Variants in PLCB4 observed in about 807,000 individuals in gnomAD.
PLCB4 encodes 1-phosphatidylinositol 4,5-bisphosphate phosphodiesterase beta-4.
Under a neutral mutation model 178.8 loss-of-function variants are expected in PLCB4, and 77 were observed. The observed-to-expected ratio is 0.43, with a 90% CI of 0.36 to 0.52. The LOEUF (loss-of-function observed/expected upper bound fraction) is 0.52. PLCB4 is among the 20% of genes least tolerant of loss of function. PLCB4 has a pLI of 0.00. For missense variants in PLCB4, 1,024 were observed against 1,453.4 expected (o/e 0.70, Z 4.80); for synonymous variants, 496 against 490.8 (o/e 1.01, Z -0.14).
Position 9,380,037 on chromosome 20 carries a change from T to C in PLCB4, c.745-17T>C, listed in dbSNP as rs772106290. The C allele has an allele frequency of 1.5e-6, 2 of 1,357,352 alleles. No homozygotes were observed. The highest frequency in any genetic ancestry group is 2.5e-5 in the South Asian group (2 of 80,410). The allele number at this position is 1,357,352 out of a possible 1,614,324, so 84.1% of individuals were successfully genotyped here. On this transcript the variant is annotated splice_polypyrimidine_tract_variant and intron_variant, in intron 12 of 39. Transcript: ENST00000378473. ...CCAAGAAATATCAACCTAAATGGAGTTATTTTCTTATCATAGCATCAACGA... is the reference window on the plus strand; with the variant it reads ...CCAAGAAATATCAACCTAAATGGAGCTATTTTCTTATCATAGCATCAACGA...
rs147855598 is a variant in PLCB4 at position 9,176,446 on chromosome 20, C to T, written c.-78-40944C>T. Among the ~76,000 whole-genome samples the T allele has an allele frequency of 3.7e-4, 57 of 152,284 alleles. No homozygotes were observed. In the East Asian group the frequency reaches 8.1e-3, roughly 22 times the overall value. ...GTTTATAAAATGGTTGAACTATTTT[C>T]ATTCCATCCAGCAGTATCTGAGTAT... On this transcript the variant is annotated intron_variant, in intron 2 of 39. Coordinates refer to ENST00000378473, the MANE Select transcript of PLCB4 (RefSeq NM_001377142.1).
intron 35 of PLCB4, among the ~76,000 whole-genome samples, chr20:9,463,177 G>A (rs894278004): frequency 6.6e-6 from 1 of 152,120 alleles, no homozygotes; most frequent in South Asian, 2.1e-4. Flanking sequence ...AGCTTCATAA[G>A]TGAAGGAGAA....
chr20:9,332,722 C>A (rs560671449), intron 4 of PLCB4, among the ~76,000 whole-genome samples: 1 of 152,192 alleles, frequency 6.6e-6, no homozygotes, highest in South Asian at 2.1e-4. Flanking sequence ...TGCTGGGGAG[C>A]CCAGAGCCAA....
At position 9,389,866 on chromosome 20, in the gene PLCB4, T is replaced by A. The variant is rs1485717164; in HGVS notation, c.1159-13T>A. 2 of 1,480,666 alleles carry A rather than the reference T, an allele frequency of 1.4e-6. No homozygotes were observed. The highest frequency in any genetic ancestry group is 1.9e-6 in the Non-Finnish European group (2 of 1,070,838). 91.7% of individuals were successfully genotyped at this position (1,480,666 alleles called of 1,614,324 possible). A position where few individuals can be genotyped will look rare whatever the true frequency, so the allele number is the denominator to read the frequency against. ...CTCTTTTCTCTCATTAACGTTTTTT[T>A]TTGTTTTTAAAGGATGTAATTCAAG... On this transcript the variant is annotated splice_polypyrimidine_tract_variant and intron_variant, in intron 15 of 39. Coordinates refer to ENST00000378473, the MANE Select transcript of PLCB4 (RefSeq NM_001377142.1).
intron 18 of PLCB4, among the ~76,000 whole-genome samples, chr20:9,395,322 T>A (rs566901732): frequency 3.5e-4 from 54 of 152,314 alleles, no homozygotes; most frequent in Non-Finnish European, 1.5e-4. Flanking sequence ...AAGGTGGTTG[T>A]TGCAGGTTTC....
chr20:9,361,068 T>C (rs536615025), intron 7 of PLCB4, among the ~76,000 whole-genome samples: 1 of 152,330 alleles, frequency 6.6e-6, no homozygotes, highest in Non-Finnish European at 1.5e-5. Flanking sequence ...CAGTCCTTTG[T>C]TGGTGGGGGA....
At chr20:9,131,147 T>A (rs1294332046) in intron 2 of PLCB4, among the ~76,000 whole-genome samples, 1 of 152,196 alleles carries the variant, frequency 6.6e-6, no homozygotes, top group African/African-American at 2.4e-5. Flanking sequence ...TACCTGAGAA[T>A]GATCAGTTCT....
At chr20:9,467,587 A>G (rs1229685513) in intron 35 of PLCB4, among the ~76,000 whole-genome samples, 2 of 152,200 alleles carry the variant, frequency 1.3e-5, no homozygotes, top group East Asian at 1.9e-4. Flanking sequence ...GACATTTGTC[A>G]GCAACGTTTG....
At chr20:9,227,417 C>A (rs2093880773) in intron 3 of PLCB4, among the ~76,000 whole-genome samples, 1 of 151,884 alleles carries the variant, frequency 6.6e-6, no homozygotes, top group South Asian at 2.1e-4. Flanking sequence ...GAAGAATTAC[C>A]CTAAGATTTA....
chr20:9,334,691 A>G (rs1179560780), intron 4 of PLCB4, among the ~76,000 whole-genome samples: 2 of 152,110 alleles, frequency 1.3e-5, no homozygotes, highest in East Asian at 3.9e-4. Context: ...AATAAGCTAG[A>G]TAAGGATGGA....
chr20:9,183,183 C>G (rs2093274697), intron 2 of PLCB4, among the ~76,000 whole-genome samples: 1 of 152,114 alleles, frequency 6.6e-6, no homozygotes, highest in Admixed American at 6.5e-5. Context: ...CCCAGGGAAG[C>G]CTGGGGCTCA....
At chr20:9,399,623 A>T (rs1448850481) in intron 19 of PLCB4, among the ~76,000 whole-genome samples, 1 of 152,184 alleles carries the variant, frequency 6.6e-6, no homozygotes, top group Non-Finnish European at 1.5e-5. Flanking sequence ...AGTAGTGGAG[A>T]ATATCAAAAT....
chr20:9,375,160 T>C (rs1042632353), intron 12 of PLCB4, among the ~76,000 whole-genome samples: 2 of 152,180 alleles, frequency 1.3e-5, no homozygotes, highest in African/African-American at 2.4e-5. Context: ...AAAACATGAA[T>C]GTCGGCTTGA....
intron 20 of PLCB4, among the ~76,000 whole-genome samples, chr20:9,402,307 T>C (rs540618385): frequency 3.3e-5 from 5 of 152,304 alleles, no homozygotes; most frequent in Non-Finnish European, 5.9e-5. Context: ...TCAAGAGGAA[T>C]TGGCCATGCA....
chr20:9,240,385 C>T (rs1432006938), intron 3 of PLCB4, among the ~76,000 whole-genome samples: 1 of 152,092 alleles, frequency 6.6e-6, no homozygotes. Context: ...AATAATGATA[C>T]CTAGTGTTAA....
intron 34 of PLCB4, 134 bp from the exon 35 acceptor site, chr20:9,459,501 G>T: frequency 7.8e-6 from 4 of 512,044 alleles, no homozygotes; most frequent in South Asian, 8.4e-5. Flanking sequence ...TTATTTTTTG[G>T]TGGTTATAGG....
intron 2 of PLCB4, among the ~76,000 whole-genome samples, chr20:9,128,374 T>G (rs2092183897): frequency 6.6e-6 from 1 of 152,166 alleles, no homozygotes; most frequent in Admixed American, 6.6e-5. Flanking sequence ...CAGGCATTTC[T>G]TTGTAGAGAT....
chr20:9,238,860 A>G (rs922853324), intron 3 of PLCB4, among the ~76,000 whole-genome samples: 4 of 152,322 alleles, frequency 2.6e-5, no homozygotes, highest in Middle Eastern at 3.4e-3. Flanking sequence ...AGAGTAATGT[A>G]TGCACATGTA....
intron 7 of PLCB4, among the ~76,000 whole-genome samples, chr20:9,343,225 T>C (rs562899445): frequency 1.8e-4 from 27 of 152,282 alleles, no homozygotes; most frequent in Admixed American, 1.5e-3. Context: ...TAGGCTCTTA[T>C]TACACTTAAG....
Sources: allele counts gnomAD v4.1 joint callset (sites outside exome capture counted in the v4.1 genomes callset), GRCh38; gene constraint gnomAD v4.1.1; transcripts MANE v1.5; gene names NCBI Gene and HGNC (gene_info 2026-07-23, HGNC 2026-07-21).